Variants in SH3RF3 observed in about 807,000 individuals in gnomAD.
SH3RF3 encodes E3 ubiquitin-protein ligase SH3RF3.
SH3RF3 carries 29 observed loss-of-function variants against 66.3 expected under a neutral mutation model. The observed-to-expected ratio is 0.44, with a 90% CI of 0.33 to 0.60. The LOEUF (loss-of-function observed/expected upper bound fraction) is 0.60. SH3RF3 is among the 20% of genes least tolerant of loss of function. The probability of loss-of-function intolerance (pLI) is 0.04; values close to 1 mark genes in which losing one functional copy is unlikely to be tolerated. For synonymous variants in SH3RF3, 583 were observed against 532.0 expected, an observed-to-expected ratio of 1.10 and a Z score of -1.32; for missense variants, 1,194 against 1,190.9, an observed-to-expected ratio of 1.00 and a Z score of -0.04.
intron 1 of SH3RF3, chr2:109,251,704 C>T: frequency 1.1e-6 from 1 of 882,268 alleles, no homozygotes; most frequent in Non-Finnish European, 1.8e-6. Flanking sequence ...TTCTATTTTA[C>T]TATGATGTAA....
intron 5 of SH3RF3, among the ~76,000 whole-genome samples, chr2:109,425,671 A>G (rs150797154): frequency 0.011 from 1,602 of 151,156 alleles, 26 homozygotes; most frequent in African/African-American, 0.033. Flanking sequence ...TGAATATTGT[A>G]AGTCCATTGT....
At chr2:109,391,261 C>CCAGCCCATTGGG (rs1359731204) in intron 3 of SH3RF3, among the ~76,000 whole-genome samples, 3 of 152,274 alleles carry the variant, frequency 2.0e-5, no homozygotes, top group African/African-American at 7.2e-5. Context: ...CCTCAGCTTG[C>CCAGCCCATTGGG]CAGCCCATTG....
intron 2 of SH3RF3, among the ~76,000 whole-genome samples, chr2:109,359,437 T>C (rs919589118): frequency 6.6e-6 from 1 of 152,222 alleles, no homozygotes; most frequent in African/African-American, 2.4e-5. Context: ...TCTCCTTTGA[T>C]TTCTTTCATC....
intron 8 of SH3RF3, among the ~76,000 whole-genome samples, chr2:109,481,798 C>T (rs1382689224): frequency 6.6e-6 from 1 of 152,192 alleles, no homozygotes; most frequent in Non-Finnish European, 1.5e-5. Flanking sequence ...CAACTGCTAC[C>T]ATGAGAATCC....
chr2:109,410,255 A>G (rs1385043434), intron 4 of SH3RF3, among the ~76,000 whole-genome samples: 1 of 152,254 alleles, frequency 6.6e-6, no homozygotes, highest in Non-Finnish European at 1.5e-5. Context: ...TCGCCGTCAC[A>G]GATGACAGCC....
chr2:109,356,654 G>A (rs1023900020), intron 2 of SH3RF3, among the ~76,000 whole-genome samples: 3 of 152,180 alleles, frequency 2.0e-5, no homozygotes, highest in Non-Finnish European at 4.4e-5. Flanking sequence ...GACGTGATGA[G>A]GAGCAACCTG....
intron 7 of SH3RF3, among the ~76,000 whole-genome samples, chr2:109,448,242 G>T (rs1479519666): frequency 6.6e-6 from 1 of 152,160 alleles, no homozygotes; most frequent in African/African-American, 2.4e-5. Context: ...ATGTTTATGA[G>T]CATTTTACAA....
At chr2:109,472,353 G>C (rs962524363) in intron 8 of SH3RF3, among the ~76,000 whole-genome samples, 3 of 121,012 alleles carry the variant, frequency 2.5e-5, no homozygotes, top group Admixed American at 8.8e-5. Context: ...GTCTCGGGCC[G>C]GTGTGCATGC....
At chr2:109,319,348 A>C (rs561042195) in intron 1 of SH3RF3, among the ~76,000 whole-genome samples, 14 of 152,330 alleles carry the variant, frequency 9.2e-5, no homozygotes, top group Non-Finnish European at 1.9e-4. Context: ...GTTGACTGCA[A>C]AGAGACAATG....
At chr2:109,170,953 G>A (rs1194177217) in intron 1 of SH3RF3, among the ~76,000 whole-genome samples, 22 of 152,168 alleles carry the variant, frequency 1.4e-4, no homozygotes, top group Admixed American at 1.4e-3. Flanking sequence ...ACCGGGCTGG[G>A]TGCTGAGGCA....
intron 1 of SH3RF3, among the ~76,000 whole-genome samples, chr2:109,149,495 G>A (rs1290130114): frequency 1.3e-5 from 2 of 152,224 alleles, no homozygotes; most frequent in African/African-American, 4.8e-5. Context: ...GGCTTCAAAG[G>A]AAGGCACAGG....
intron 1 of SH3RF3, among the ~76,000 whole-genome samples, chr2:109,292,688 A>G (rs561937638): frequency 1.3e-5 from 2 of 152,330 alleles, no homozygotes; most frequent in South Asian, 4.1e-4. Context: ...TGAGAGGAGC[A>G]CAAACCGGCC....
intron 7 of SH3RF3, among the ~76,000 whole-genome samples, chr2:109,437,634 C>T (rs540944004): frequency 1.3e-5 from 2 of 152,230 alleles, no homozygotes; most frequent in East Asian, 1.9e-4. Flanking sequence ...GGGTGAGACT[C>T]GGGCCCAGGC....
chr2:109,346,730 T>C (rs1202951000), intron 1 of SH3RF3, among the ~76,000 whole-genome samples: 1 of 152,110 alleles, frequency 6.6e-6, no homozygotes, highest in Admixed American at 6.5e-5. Context: ...CAGAAGCAGC[T>C]TAGAATCTTG....
intron 6 of SH3RF3, among the ~76,000 whole-genome samples, chr2:109,436,250 C>T (rs929943395): frequency 6.6e-6 from 1 of 152,216 alleles, no homozygotes; most frequent in Non-Finnish European, 1.5e-5. Context: ...TATTTCACAT[C>T]GCTGCCTCCA....
intron 8 of SH3RF3, among the ~76,000 whole-genome samples, chr2:109,478,389 G>A (rs1678744031): frequency 6.6e-6 from 1 of 152,170 alleles, no homozygotes; most frequent in East Asian, 1.9e-4. Context: ...AAATCAAGAT[G>A]GGCCCTCCAG....
intron 1 of SH3RF3, among the ~76,000 whole-genome samples, chr2:109,155,201 G>A (rs1231575115): frequency 2.0e-5 from 3 of 152,148 alleles, no homozygotes; most frequent in Non-Finnish European, 4.4e-5. Flanking sequence ...GATGTTCAGT[G>A]GTGTTCTCAT....
intron 3 of SH3RF3, among the ~76,000 whole-genome samples, chr2:109,380,057 A>C (rs1683479049): frequency 6.6e-6 from 1 of 152,166 alleles, no homozygotes; most frequent in South Asian, 2.1e-4. Context: ...CATAAGAGGG[A>C]GACTCCAGTC....
intron 8 of SH3RF3, among the ~76,000 whole-genome samples, chr2:109,449,768 T>G (rs1053612273): frequency 6.6e-6 from 1 of 152,238 alleles, no homozygotes; most frequent in African/African-American, 2.4e-5. Flanking sequence ...GAAAATGCCT[T>G]AGTTCCATCT....
Sources: gnomAD v4.1 joint callset for allele counts (sites outside exome capture counted in the v4.1 genomes callset) on GRCh38, gnomAD v4.1.1 for gene constraint, MANE v1.5 for transcripts, NCBI Gene and HGNC (gene_info 2026-07-23, HGNC 2026-07-21) for gene names.